Variants in GRIN2B observed in about 807,000 individuals in gnomAD.
GRIN2B encodes glutamate receptor ionotropic, NMDA 2B.
GRIN2B carries 5 observed loss-of-function variants against 114.5 expected under a neutral mutation model. The ratio of observed to expected loss-of-function variants is 0.04; its 90% CI spans 0.02 to 0.09. GRIN2B has a LOEUF of 0.09. Among genes scored for constraint, GRIN2B ranks in the 10% least tolerant of loss-of-function variants. The probability of loss-of-function intolerance (pLI) is 1.00; values close to 1 mark genes in which losing one functional copy is unlikely to be tolerated. For missense variants in GRIN2B, 1,108 were observed against 1,943.5 expected, an observed-to-expected ratio of 0.57 and a Z score of 8.08; for synonymous variants, 787 against 745.1, an observed-to-expected ratio of 1.06 and a Z score of -0.92.
intron 3 of GRIN2B, among the ~76,000 whole-genome samples, chr12:13,826,545 C>T (rs896744642): frequency 6.6e-6 from 1 of 152,162 alleles, no homozygotes; most frequent in Non-Finnish European, 1.5e-5. Flanking sequence ...CACCCCTCCC[C>T]TCATTCTTAG....
chr12:13,935,260 A>G (rs1345860086), intron 2 of GRIN2B, among the ~76,000 whole-genome samples: 1 of 152,216 alleles, frequency 6.6e-6, no homozygotes, highest in Non-Finnish European at 1.5e-5. Flanking sequence ...AATCTTGACT[A>G]TAAGCCATAG....
At chr12:13,680,151 A>T (rs1374812690) in intron 4 of GRIN2B, among the ~76,000 whole-genome samples, 1 of 152,178 alleles carries the variant, frequency 6.6e-6, no homozygotes, top group African/African-American at 2.4e-5. Flanking sequence ...AACTAGATCA[A>T]ATGGCTATAT....
chr12:13,669,717 C>A (rs984568464), intron 5 of GRIN2B, among the ~76,000 whole-genome samples: 1 of 152,116 alleles, frequency 6.6e-6, no homozygotes, highest in Non-Finnish European at 1.5e-5. Flanking sequence ...CACAGATGTG[C>A]CAGTTTCTTC....
chr12:13,981,048 G>C (rs1312005292), intron 1 of GRIN2B, among the ~76,000 whole-genome samples: 1 of 152,136 alleles, frequency 6.6e-6, no homozygotes, highest in Non-Finnish European at 1.5e-5. Flanking sequence ...GGATGGGCTC[G>C]GCGCGTGGGT....
At chr12:13,664,903 C>T (rs1949958723) in intron 5 of GRIN2B, among the ~76,000 whole-genome samples, 1 of 152,122 alleles carries the variant, frequency 6.6e-6, no homozygotes, top group Non-Finnish European at 1.5e-5. Context: ...TCTGCACCTC[C>T]AACAGATGTC....
At chr12:13,623,705 A>G (rs1162114236) in intron 5 of GRIN2B, among the ~76,000 whole-genome samples, 1 of 152,210 alleles carries the variant, frequency 6.6e-6, no homozygotes, top group Non-Finnish European at 1.5e-5. Flanking sequence ...TCTCTCAGGT[A>G]TGCTTGAAAT....
chr12:13,639,560 C>A (rs1949695056), intron 5 of GRIN2B, among the ~76,000 whole-genome samples: 1 of 152,118 alleles, frequency 6.6e-6, no homozygotes, highest in South Asian at 2.1e-4. Flanking sequence ...AATAGACATT[C>A]ACAAGGTTCT....
At chr12:13,966,438 G>C (rs1867791417) in intron 2 of GRIN2B, among the ~76,000 whole-genome samples, 1 of 152,184 alleles carries the variant, frequency 6.6e-6, no homozygotes, top group Middle Eastern at 3.4e-3. Context: ...CTTTGTCCTA[G>C]GCTCACTTGA....
chr12:13,596,732 A>G (rs1210487105), intron 10 of GRIN2B, among the ~76,000 whole-genome samples: 1 of 152,242 alleles, frequency 6.6e-6, no homozygotes, highest in Non-Finnish European at 1.5e-5. Flanking sequence ...AAGGGGCTGT[A>G]TGTGCACAAA....
intron 5 of GRIN2B, among the ~76,000 whole-genome samples, chr12:13,650,690 C>A (rs1949805088): frequency 6.6e-6 from 1 of 152,060 alleles, no homozygotes. Flanking sequence ...AAAATGTCAA[C>A]ACACTCCCTG....
At chr12:13,794,426 G>A (rs2136668135) in intron 3 of GRIN2B, among the ~76,000 whole-genome samples, 1 of 152,188 alleles carries the variant, frequency 6.6e-6, no homozygotes, top group Non-Finnish European at 1.5e-5. Flanking sequence ...TAAATTAAAT[G>A]TCCAACTAGA....
intron 11 of GRIN2B, 24 bp from the exon 12 acceptor site, chr12:13,570,041 A>C: frequency 6.4e-7 from 1 of 1,553,648 alleles, no homozygotes; most frequent in Non-Finnish European, 8.9e-7. Flanking sequence ...AAGCAAACAA[A>C]TCCAATGGAG....
At chr12:13,936,179 C>A (rs1867127888) in intron 2 of GRIN2B, among the ~76,000 whole-genome samples, 1 of 152,142 alleles carries the variant, frequency 6.6e-6, no homozygotes, top group Non-Finnish European at 1.5e-5. Context: ...CCAAGATTTT[C>A]TAGACAGCAC....
At chr12:13,572,387 G>A (rs954302821) in intron 10 of GRIN2B, among the ~76,000 whole-genome samples, 3 of 152,160 alleles carry the variant, frequency 2.0e-5, no homozygotes, top group South Asian at 2.1e-4. Flanking sequence ...CACAGTCATT[G>A]CACTATTTTG....
intron 4 of GRIN2B, among the ~76,000 whole-genome samples, chr12:13,689,644 G>A (rs1368251163): frequency 6.6e-6 from 1 of 152,000 alleles, no homozygotes; most frequent in Non-Finnish European, 1.5e-5. Context: ...ATCTTACCGT[G>A]AGATTTCTTA....
chr12:13,660,236 A>G (rs772169239), intron 5 of GRIN2B, among the ~76,000 whole-genome samples: 1 of 152,128 alleles, frequency 6.6e-6, no homozygotes, highest in Non-Finnish European at 1.5e-5. Flanking sequence ...AGGACCACAC[A>G]CAGGCATGAA....
chr12:13,968,734 T>C (rs1404931885), intron 2 of GRIN2B, among the ~76,000 whole-genome samples: 1 of 152,228 alleles, frequency 6.6e-6, no homozygotes, highest in Non-Finnish European at 1.5e-5. Context: ...GATAGAGATA[T>C]TTGAAACAAA....
chr12:13,957,077 G>C (rs1167778938), intron 2 of GRIN2B, among the ~76,000 whole-genome samples: 1 of 152,108 alleles, frequency 6.6e-6, no homozygotes, highest in East Asian at 1.9e-4. Flanking sequence ...TAGTGAACAA[G>C]AAAAGAGAAA....
chr12:13,953,358 G>A (rs1265495824), intron 2 of GRIN2B, among the ~76,000 whole-genome samples: 1 of 152,176 alleles, frequency 6.6e-6, no homozygotes, highest in Admixed American at 6.5e-5. Context: ...ACCATGATGT[G>A]CAGTAATGAC....
Sources: gnomAD v4.1 joint callset for allele counts (sites outside exome capture counted in the v4.1 genomes callset) on GRCh38, gnomAD v4.1.1 for gene constraint, MANE v1.5 for transcripts, NCBI Gene and HGNC (gene_info 2026-07-23, HGNC 2026-07-21) for gene names.